CPA6: variants seen among roughly 807,000 people sequenced by gnomAD.
CPA6 encodes carboxypeptidase A6.
Under a neutral mutation model 63.3 loss-of-function variants are expected in CPA6, and 58 were observed. That is an observed-to-expected ratio of 0.92 (90% CI 0.74 to 1.14). CPA6 has a LOEUF of 1.14. CPA6 is among the 50% of genes most tolerant of loss of function. CPA6 has a pLI of 0.00. For synonymous variants in CPA6, 185 were observed against 179.0 expected, an observed-to-expected ratio of 1.03 and a Z score of -0.27; for missense variants, 565 against 526.6, an observed-to-expected ratio of 1.07 and a Z score of -0.71.
At chr8:67,479,744 A>G (rs1323634682) in intron 8 of CPA6, among the ~76,000 whole-genome samples, 1 of 152,138 alleles carries the variant, frequency 6.6e-6, no homozygotes, top group Non-Finnish European at 1.5e-5. Flanking sequence ...AGGCTCTGAA[A>G]TTCTCTATAT....
intron 1 of CPA6, among the ~76,000 whole-genome samples, chr8:67,657,973 C>A (rs1004740579): frequency 3.9e-5 from 6 of 152,184 alleles, no homozygotes; most frequent in Admixed American, 2.6e-4. Context: ...GATCCTGTTA[C>A]CAACCTCCTC....
chr8:67,635,077 A>G (rs1815436979), intron 1 of CPA6, among the ~76,000 whole-genome samples: 2 of 151,324 alleles, frequency 1.3e-5, no homozygotes, highest in African/African-American at 4.9e-5. Flanking sequence ...TTTTGTAGAC[A>G]GGGTCTTGTT....
chr8:67,557,146 GA>G (rs1401258545), intron 2 of CPA6, among the ~76,000 whole-genome samples: 6 of 152,190 alleles, frequency 3.9e-5, no homozygotes, highest in African/African-American at 1.2e-4. Flanking sequence ...GCCGAGTGAT[GA>G]GGCTTGAGTG....
At chr8:67,722,669 T>C (rs2129001960) in intron 1 of CPA6, among the ~76,000 whole-genome samples, 1 of 152,266 alleles carries the variant, frequency 6.6e-6, no homozygotes, top group South Asian at 2.1e-4. Flanking sequence ...GGAAAGATTA[T>C]CCTTTTGCCC....
chr8:67,709,112 C>T (rs1291670316), intron 1 of CPA6, among the ~76,000 whole-genome samples: 1 of 152,140 alleles, frequency 6.6e-6, no homozygotes, highest in Non-Finnish European at 1.5e-5. Flanking sequence ...TAGGAACACT[C>T]AACTGATAAG....
intron 8 of CPA6, among the ~76,000 whole-genome samples, chr8:67,446,130 G>A (rs2128954851): frequency 6.6e-6 from 1 of 152,122 alleles, no homozygotes. Context: ...GCCGGGCGTG[G>A]TGGCAGGCTC....
rs1035756305 is a variant in CPA6 at position 67,485,466 on chromosome 8, G to A, written c.637-677C>T. Among the ~76,000 whole-genome samples, 5 of 152,110 alleles carry A rather than the reference G, an allele frequency of 3.3e-5. 1 individual carries two copies. Among genetic ancestry groups the A allele is most frequent in the African/African-American group, 4.8e-5 (2 of 41,410 alleles). ...GAACAATGTATGATATTGTGTGTAT[G>A]CGTTAACATTATATGTAAGTGAGAT... On this transcript the variant is annotated intron_variant, in intron 6 of 10. Coordinates refer to ENST00000297770, the MANE Select transcript of CPA6 (RefSeq NM_020361.5).
intron 1 of CPA6, among the ~76,000 whole-genome samples, chr8:67,718,964 T>C (rs892616671): frequency 1.1e-4 from 17 of 152,194 alleles, no homozygotes; most frequent in African/African-American, 4.1e-4. Context: ...ATTTAATTCA[T>C]GGAACTATCT....
At chr8:67,450,489 A>G (rs1338532919) in intron 8 of CPA6, among the ~76,000 whole-genome samples, 1 of 152,236 alleles carries the variant, frequency 6.6e-6, no homozygotes, top group Non-Finnish European at 1.5e-5. Flanking sequence ...CTAGAGACTT[A>G]TGTCAATGAA....
rs988408940 is a variant in CPA6, at chr8:67,678,556, A to G, written c.117-54305T>C. Among the ~76,000 whole-genome samples the G allele has an allele frequency of 3.9e-5, 6 of 152,354 alleles. No individual in the cohort carries two copies. The South Asian group carries it at 1.2e-3, about 32-fold the overall frequency. On this transcript the variant is annotated intron_variant, in intron 1 of 10. Coordinates refer to ENST00000297770, the MANE Select transcript of CPA6 (RefSeq NM_020361.5). ...TGTCATTAGCTATCAGAGATATGCA[A>G]ATTAATACTCAATGCAACACCATCA... is the stretch of plus-strand genomic sequence containing the variant.
chr8:67,453,590 G>T (rs1282197083), intron 8 of CPA6, among the ~76,000 whole-genome samples: 3 of 152,154 alleles, frequency 2.0e-5, no homozygotes, highest in Non-Finnish European at 2.9e-5. Flanking sequence ...CTAAGGGAAT[G>T]AATGTAGATA....
intron 3 of CPA6, among the ~76,000 whole-genome samples, chr8:67,516,368 C>T (rs1002251259): frequency 1.3e-5 from 2 of 152,180 alleles, no homozygotes; most frequent in Non-Finnish European, 2.9e-5. Context: ...TGTTCAGACA[C>T]TCTTCTTTCT....
intron 1 of CPA6, among the ~76,000 whole-genome samples, chr8:67,694,363 G>C (rs964732774): frequency 1.3e-5 from 2 of 152,226 alleles, no homozygotes; most frequent in African/African-American, 4.8e-5. Context: ...CTGAGAGACA[G>C]CTCTTGGCCT....
At chr8:67,687,202 G>A (rs1319585839) in intron 1 of CPA6, among the ~76,000 whole-genome samples, 1 of 152,176 alleles carries the variant, frequency 6.6e-6, no homozygotes, top group African/African-American at 2.4e-5. Context: ...TACTTACTCA[G>A]GACTTTCCAG....
At chr8:67,736,635 C>T (rs1587739710) in intron 1 of CPA6, among the ~76,000 whole-genome samples, 1 of 152,110 alleles carries the variant, frequency 6.6e-6, no homozygotes, top group African/African-American at 2.4e-5. Flanking sequence ...GTCTTTGGCC[C>T]TCTTTTCATG....
rs1554533441 is a variant in CPA6 at position 67,681,195 on chromosome 8, A to ATTTTTTTTTTT, written c.117-56945_117-56944insAAAAAAAAAAA. The stretch of plus-strand genomic sequence containing the variant: ...CTTTGCTCAACCCAAGGTCACAAAG[A>ATTTTTTTTTTT]TTTTCTTTTTTTTTTTTTTTTTTTT... On this transcript the variant is annotated intron_variant, in intron 1 of 10. Coordinates refer to ENST00000297770, the MANE Select transcript of CPA6 (RefSeq NM_020361.5). Among the ~76,000 whole-genome samples, 50 of 97,100 alleles carry ATTTTTTTTTTT rather than the reference A, an allele frequency of 5.1e-4. 1 individual carries two copies. The highest frequency in any genetic ancestry group is 2.3e-3 in the African/African-American group (38 of 16,760). 63.7% of individuals were successfully genotyped at this position (97,100 alleles called of 152,430 possible).
chr8:67,532,958 T>C (rs1249747744), intron 2 of CPA6, among the ~76,000 whole-genome samples: 1 of 152,214 alleles, frequency 6.6e-6, no homozygotes, highest in African/African-American at 2.4e-5. Context: ...GTTTTAGATG[T>C]ATACTTGTAA....
At chr8:67,500,727 GAGACTT>G (rs1376323063) in intron 6 of CPA6, among the ~76,000 whole-genome samples, 4 of 150,638 alleles carry the variant, frequency 2.7e-5, no homozygotes, top group Non-Finnish European at 4.4e-5. Context: ...TATATGGTAT[GAGACTT>G]AGACTCATAC....
chr8:67,623,496 A>G (rs1393882414), intron 2 of CPA6, among the ~76,000 whole-genome samples: 4 of 152,138 alleles, frequency 2.6e-5, no homozygotes, highest in Non-Finnish European at 5.9e-5. Flanking sequence ...TCTCAAAAAA[A>G]GAGATACTAG....
Sources: allele counts gnomAD v4.1 joint callset (sites outside exome capture counted in the v4.1 genomes callset), GRCh38; gene constraint gnomAD v4.1.1; transcripts MANE v1.5; gene names NCBI Gene and HGNC (gene_info 2026-07-23, HGNC 2026-07-21).